PCDH9: variants seen among roughly 807,000 people sequenced by gnomAD.
PCDH9 encodes the protein protocadherin 9.
In PCDH9, 24 loss-of-function variants were observed where a neutral mutation model predicts 70.6. That is an observed-to-expected ratio of 0.34 (90% CI 0.25 to 0.48). PCDH9 has a LOEUF of 0.48. Ranked by LOEUF, PCDH9 falls within the 20% of genes least tolerant of loss-of-function variation. The pLI is 0.99. For synonymous variants in PCDH9, 562 were observed against 558.5 expected (o/e 1.01, Z -0.09); for missense variants, 1,281 against 1,503.6 (o/e 0.85, Z 2.45).
intron 3 of PCDH9, among the ~76,000 whole-genome samples, chr13:66,893,284 C>T (rs1367546778): frequency 6.6e-6 from 1 of 152,072 alleles, no homozygotes; most frequent in Non-Finnish European, 1.5e-5. Context: ...TTTGCTCTAA[C>T]AGAAGAGGTA....
chr13:66,631,259 G>T lies in PCDH9; in HGVS notation c.3291C>A (p.Ala1097=). The T allele has an allele frequency of 6.2e-7, 1 of 1,611,222 alleles. No homozygotes were observed. The highest frequency in any genetic ancestry group is 8.5e-7 in the Non-Finnish European group (1 of 1,177,338). Reference sequence around the variant, plus strand: ...CTGCTTCAGTCCTCTTGTCCGGAGAGGCCTGGTCATAGAATTCGTCCTGTG... The same window carrying T: ...CTGCTTCAGTCCTCTTGTCCGGAGATGCCTGGTCATAGAATTCGTCCTGTG... The part of the protein sequence containing the change: ...VQPQDEFYDQ[A]SPDKRTEADG... Residue 1097 remains alanine (A), a synonymous_variant, in exon 4 of 5, where the codon GCC becomes GCA. Transcript: ENST00000377865.
chr13:67,212,052 C>A (rs1028297637), intron 2 of PCDH9: 3 of 151,996 alleles, frequency 2.0e-5, no homozygotes, highest in African/African-American at 2.4e-5. Flanking sequence ...TTTAATATAG[C>A]AAATATGCTA....
At chr13:66,623,460 A>C (rs1397964627) in intron 4 of PCDH9, among the ~76,000 whole-genome samples, 1 of 151,566 alleles carries the variant, frequency 6.6e-6, no homozygotes, top group Non-Finnish European at 1.5e-5. Flanking sequence ...TTGTTAAGAG[A>C]CAGAATGTTG....
chr13:66,556,521 G>A (rs998537174), intron 4 of PCDH9, among the ~76,000 whole-genome samples: 21 of 152,178 alleles, frequency 1.4e-4, no homozygotes, highest in Admixed American at 1.2e-3. Context: ...TAACTGCAAG[G>A]CAGTTGGGAA....
intron 2 of PCDH9, among the ~76,000 whole-genome samples, chr13:66,981,210 G>T (rs188095614): frequency 1.3e-4 from 20 of 152,064 alleles, no homozygotes; most frequent in African/African-American, 4.6e-4. Flanking sequence ...AGGCCCAGGC[G>T]GGCGGATCAC....
intron 3 of PCDH9, among the ~76,000 whole-genome samples, chr13:66,669,489 A>G (rs2078143182): frequency 6.6e-6 from 1 of 152,202 alleles, no homozygotes; most frequent in Non-Finnish European, 1.5e-5. Context: ...AAAACAATAA[A>G]TAATGAAGTA....
chr13:66,906,205 A>G (rs906011021), intron 2 of PCDH9, among the ~76,000 whole-genome samples: 5 of 152,216 alleles, frequency 3.3e-5, no homozygotes, highest in Admixed American at 2.6e-4. Flanking sequence ...ATACATGAAT[A>G]GAGAGTCTCG....
intron 3 of PCDH9, among the ~76,000 whole-genome samples, chr13:66,662,481 AAAAG>A (rs2139019666): frequency 6.6e-6 from 1 of 152,302 alleles, no homozygotes; most frequent in Admixed American, 6.5e-5. Flanking sequence ...CTCAAAAAAA[AAAAG>A]AATGTCACAT....
At chr13:66,757,733 C>T (rs192215803) in intron 3 of PCDH9, among the ~76,000 whole-genome samples, 8 of 152,106 alleles carry the variant, frequency 5.3e-5, no homozygotes, top group African/African-American at 1.4e-4. Context: ...TGTAATTATT[C>T]GATATCTTCA....
chr13:66,672,457 A>G (rs1016500113), intron 3 of PCDH9, among the ~76,000 whole-genome samples: 4 of 151,996 alleles, frequency 2.6e-5, no homozygotes, highest in Admixed American at 6.5e-5. Context: ...CTCATGCAGA[A>G]CCTCTGCTAG....
At chr13:66,907,111 C>T (rs578022835) in intron 2 of PCDH9, among the ~76,000 whole-genome samples, 15 of 151,642 alleles carry the variant, frequency 9.9e-5, no homozygotes, top group South Asian at 2.1e-4. Flanking sequence ...GTCTGAGGCA[C>T]GAGAATAGCT....
At chr13:67,186,743 T>G (rs1380241905) in intron 2 of PCDH9, among the ~76,000 whole-genome samples, 1 of 152,196 alleles carries the variant, frequency 6.6e-6, no homozygotes, top group African/African-American at 2.4e-5. Flanking sequence ...CAAATTAATG[T>G]GTAATTCATT....
intron 4 of PCDH9, among the ~76,000 whole-genome samples, chr13:66,513,542 C>T (rs1433763203): frequency 6.6e-6 from 1 of 152,024 alleles, no homozygotes; most frequent in Non-Finnish European, 1.5e-5. Context: ...ACACAGTCAG[C>T]ACCAAGTCCA....
intron 2 of PCDH9, among the ~76,000 whole-genome samples, chr13:66,955,043 G>C (rs946031843): frequency 1.3e-5 from 2 of 152,140 alleles, no homozygotes; most frequent in African/African-American, 4.8e-5. Context: ...GATTACAGGC[G>C]TGAGCCACTG....
chr13:66,317,184 C>T (rs12874413), intron 4 of PCDH9, among the ~76,000 whole-genome samples: 29,750 of 151,870 alleles, frequency 0.2, 3,157 homozygotes, highest in East Asian at 0.35. Context: ...TTTCTATGGC[C>T]TGGCACATTG....
chr13:66,631,138 T>C lies in PCDH9; in HGVS notation c.3340+72A>G, dbSNP rs2077566141. On this transcript the variant is annotated intron_variant, in intron 4 of 4. Transcript: ENST00000377865. ...AATGTTCATCCTTGCCCCCTACAAT[T>C]ATTTTTGAAAGCTCAAGTGCACTAC... 3.9e-6 allele frequency: 3 copies of C among 770,448 alleles called. No individual in the cohort carries two copies. The South Asian group carries it at 4.4e-5, about 11-fold the overall frequency. The allele number at this position is 770,448 out of a possible 1,614,324, so 47.7% of individuals were successfully genotyped here. A position where few individuals can be genotyped will look rare whatever the true frequency, so the allele number is the denominator to read the frequency against.
chr13:66,547,620 A>G (rs1297796417), intron 4 of PCDH9, among the ~76,000 whole-genome samples: 1 of 152,066 alleles, frequency 6.6e-6, no homozygotes. Context: ...TGCCCATGAT[A>G]GTTCCACTAA....
intron 4 of PCDH9, among the ~76,000 whole-genome samples, chr13:66,373,717 G>A (rs1402960648): frequency 6.6e-6 from 1 of 152,008 alleles, no homozygotes; most frequent in Non-Finnish European, 1.5e-5. Context: ...ATCTATATAA[G>A]AGTAGGTAGT....
At chr13:67,037,028 A>G (rs998514312) in intron 2 of PCDH9, among the ~76,000 whole-genome samples, 6 of 152,162 alleles carry the variant, frequency 3.9e-5, no homozygotes. Flanking sequence ...ACCCAGCACT[A>G]GGCTGGAGGA....
Sources: allele counts gnomAD v4.1 joint callset (sites outside exome capture counted in the v4.1 genomes callset), GRCh38; gene constraint gnomAD v4.1.1; transcripts MANE v1.5; gene names NCBI Gene and HGNC (gene_info 2026-07-23, HGNC 2026-07-21).